CGNL1: variants seen among roughly 807,000 people sequenced by gnomAD.
The protein encoded by CGNL1 is cingulin-like protein 1.
CGNL1 carries 132 observed loss-of-function variants against 141.2 expected under a neutral mutation model. The ratio of observed to expected loss-of-function variants is 0.93; its 90% CI spans 0.81 to 1.08. The LOEUF (loss-of-function observed/expected upper bound fraction) is 1.08. Ranked by LOEUF, CGNL1 falls within the 50% of genes least tolerant of loss-of-function variation. The pLI is 0.00. For missense variants in CGNL1, 1,870 were observed against 1,588.6 expected, an observed-to-expected ratio of 1.18 and a Z score of -3.01; for synonymous variants, 690 against 622.1, an observed-to-expected ratio of 1.11 and a Z score of -1.63.
intron 8 of CGNL1, among the ~76,000 whole-genome samples, chr15:57,511,675 G>C (rs188427322): frequency 2.8e-4 from 43 of 152,264 alleles, no homozygotes; most frequent in African/African-American, 9.9e-4. Context: ...AATAACCTTG[G>C]TGTAATTTTT....
chr15:57,387,945 C>T (rs61488086), intron 1 of CGNL1, among the ~76,000 whole-genome samples: 2 of 152,090 alleles, frequency 1.3e-5, no homozygotes, highest in African/African-American at 2.4e-5. Context: ...GGCTATCCTG[C>T]CCCCCTCAGC....
chr15:57,457,901 T>G (rs2063398829), intron 7 of CGNL1, among the ~76,000 whole-genome samples: 1 of 152,140 alleles, frequency 6.6e-6, no homozygotes, highest in African/African-American at 2.4e-5. Context: ...GTGTGACTGC[T>G]TGCTTCTCAG....
At chr15:57,422,950 G>C (rs2062932285) in intron 1 of CGNL1, among the ~76,000 whole-genome samples, 1 of 152,112 alleles carries the variant, frequency 6.6e-6, no homozygotes, top group Admixed American at 6.6e-5. Flanking sequence ...TTTTTGCCTT[G>C]AGAATGTGAT....
At chr15:57,426,906 G>C (rs1287443762) in intron 1 of CGNL1, among the ~76,000 whole-genome samples, 1 of 152,162 alleles carries the variant, frequency 6.6e-6, no homozygotes, top group Non-Finnish European at 1.5e-5. Flanking sequence ...TGTGATGCCA[G>C]GGAGCCTGGG....
At chr15:57,426,801 T>A (rs2062980674) in intron 1 of CGNL1, among the ~76,000 whole-genome samples, 1 of 152,056 alleles carries the variant, frequency 6.6e-6, no homozygotes, top group South Asian at 2.1e-4. Flanking sequence ...GAATGGTCCT[T>A]CTCCCTCACA....
intron 3 of CGNL1, among the ~76,000 whole-genome samples, 171 bp from the exon 4 acceptor site, chr15:57,442,202 A>AAAAAAAAAAAAAC (rs1734731741): frequency 7.2e-6 from 1 of 139,634 alleles, no homozygotes; most frequent in African/African-American, 2.7e-5. Context: ...AAAAAAAAAA[A>AAAAAAAAAAAAAC]AGACACCATC....
chr15:57,447,061 G>A (rs2063262108), intron 4 of CGNL1, among the ~76,000 whole-genome samples: 2 of 151,914 alleles, frequency 1.3e-5, no homozygotes, highest in African/African-American at 4.8e-5. Context: ...AAGCCTCTAG[G>A]AATTTTGATT....
chr15:57,522,174 G>T (rs1409315934), intron 10 of CGNL1, among the ~76,000 whole-genome samples: 1 of 152,162 alleles, frequency 6.6e-6, no homozygotes, highest in Non-Finnish European at 1.5e-5. Context: ...TTCCCCAGCA[G>T]CTTTTGTTAA....
At chr15:57,523,842 C>T (rs1595795488) in intron 11 of CGNL1, among the ~76,000 whole-genome samples, 1 of 152,148 alleles carries the variant, frequency 6.6e-6, no homozygotes, top group Non-Finnish European at 1.5e-5. Context: ...ATGCCAGTAC[C>T]CTCTGGATTC....
intron 1 of CGNL1, among the ~76,000 whole-genome samples, chr15:57,389,005 G>A (rs930330319): frequency 2.0e-5 from 3 of 152,042 alleles, no homozygotes; most frequent in East Asian, 3.8e-4. Context: ...TGAAGACTTC[G>A]GAGTCAAACT....
intron 1 of CGNL1, among the ~76,000 whole-genome samples, chr15:57,381,936 G>A (rs1333941654): frequency 3.3e-5 from 5 of 152,208 alleles, no homozygotes; most frequent in Non-Finnish European, 5.9e-5. Context: ...AGATTAGGCT[G>A]TGCAGAAAGT....
chr15:57,394,954 A>G (rs1243614633), intron 1 of CGNL1, among the ~76,000 whole-genome samples: 1 of 152,222 alleles, frequency 6.6e-6, no homozygotes, highest in Non-Finnish European at 1.5e-5. Flanking sequence ...TCTACTAAAA[A>G]TACAAAAATT....
chr15:57,481,246 A>G (rs1302960792), intron 8 of CGNL1, among the ~76,000 whole-genome samples: 2 of 152,156 alleles, frequency 1.3e-5, no homozygotes, highest in Non-Finnish European at 2.9e-5. Context: ...GTACAATAGC[A>G]TGACCAGGAT....
chr15:57,425,530 G>T (rs1441452738), intron 1 of CGNL1, among the ~76,000 whole-genome samples: 1 of 152,124 alleles, frequency 6.6e-6, no homozygotes, highest in Non-Finnish European at 1.5e-5. Flanking sequence ...ATCACTTGAG[G>T]TCAGGAGTTT....
chr15:57,518,642 A>G lies in CGNL1; in HGVS notation c.2715+145A>G, dbSNP rs187385381. ...TAATAACCACTCAGTTATTTGAACTATCCGTCTAGACCAGCGATTCTCAAC... is the reference window on the plus strand; with the variant it reads ...TAATAACCACTCAGTTATTTGAACTGTCCGTCTAGACCAGCGATTCTCAAC... On this transcript the variant is annotated intron_variant, in intron 10 of 18. Coordinates refer to ENST00000281282, the MANE Select transcript of CGNL1 (RefSeq NM_032866.5). 1.7e-5 allele frequency: 11 copies of G among 639,266 alleles called. No individual in the cohort carries two copies. In the South Asian group the frequency reaches 1.9e-4, roughly 11 times the overall value. 39.6% of individuals were successfully genotyped at this position (639,266 alleles called of 1,614,324 possible).
intron 4 of CGNL1, among the ~76,000 whole-genome samples, chr15:57,443,724 T>C (rs1180655681): frequency 6.6e-6 from 1 of 152,210 alleles, no homozygotes; most frequent in Non-Finnish European, 1.5e-5. Flanking sequence ...TGAGGAGCTC[T>C]ACATAGTTCT....
intron 10 of CGNL1, among the ~76,000 whole-genome samples, chr15:57,521,140 A>G (rs1274952649): frequency 6.6e-6 from 1 of 152,134 alleles, no homozygotes; most frequent in South Asian, 2.1e-4. Flanking sequence ...TACTGTCCAC[A>G]TGAAGGGTCG....
At chr15:57,520,507 A>G (rs1214381256) in intron 10 of CGNL1, among the ~76,000 whole-genome samples, 4 of 152,232 alleles carry the variant, frequency 2.6e-5, no homozygotes, top group Non-Finnish European at 4.4e-5. Flanking sequence ...AAAGTAGCAG[A>G]GGGGCATAAA....
intron 1 of CGNL1, among the ~76,000 whole-genome samples, chr15:57,417,284 A>G (rs1427205953): frequency 6.6e-6 from 1 of 151,882 alleles, no homozygotes; most frequent in Non-Finnish European, 1.5e-5. Flanking sequence ...CCCAGGCTGG[A>G]GTGCAGTGGT....
Sources: allele counts gnomAD v4.1 joint callset (sites outside exome capture counted in the v4.1 genomes callset), GRCh38; gene constraint gnomAD v4.1.1; transcripts MANE v1.5; gene names NCBI Gene and HGNC (gene_info 2026-07-23, HGNC 2026-07-21).